The following FBLN7 variants were observed in gnomAD, a reference collection of about 807,000 sequenced individuals.
FBLN7 encodes the protein fibulin-7.
Under a neutral mutation model 44.0 loss-of-function variants are expected in FBLN7, and 31 were observed. The observed-to-expected ratio is 0.70, with a 90% CI of 0.53 to 0.95. The LOEUF (loss-of-function observed/expected upper bound fraction) is 0.95, where lower values mean the gene tolerates loss of function less well. Among genes scored for constraint, FBLN7 ranks in the 40% least tolerant of loss-of-function variants. The pLI is 0.00. For missense variants in FBLN7, 573 were observed against 618.5 expected (o/e 0.93, Z 0.78); for synonymous variants, 262 against 253.4 (o/e 1.03, Z -0.32).
At chr2:112,224,305 G>A in the FBLN7 span, among the ~76,000 whole-genome samples, 1 of 152,126 alleles carries the variant, frequency 6.6e-6, no homozygotes, top group Non-Finnish European at 1.5e-5. Context: ...CTCTGGTCAT[G>A]TCAAAAAGAA....
the FBLN7 span, among the ~76,000 whole-genome samples, chr2:112,239,394 C>T: frequency 6.6e-6 from 1 of 152,106 alleles, no homozygotes; most frequent in Admixed American, 6.6e-5. Flanking sequence ...ATTCTGATGT[C>T]ACGAAGAAAT....
the FBLN7 span, chr2:112,238,695 G>T: frequency 2.2e-6 from 1 of 459,630 alleles, no homozygotes; most frequent in Non-Finnish European, 3.6e-6. Context: ...AAAATTTCCA[G>T]AATTAAAAAA....
rs1216579417 is a variant in FBLN7 at position 112,181,835 on chromosome 2, G to C, written c.629G>C (p.Gly210Ala). 3 of 1,524,344 alleles carry C rather than the reference G, an allele frequency of 2.0e-6. No individual in the cohort carries two copies. The highest frequency in any genetic ancestry group is 2.6e-6 in the Non-Finnish European group (3 of 1,141,824). 94.4% of individuals were successfully genotyped at this position (1,524,344 alleles called of 1,614,324 possible). The change falls in exon 5 of 8, where the codon GGA (glycine) becomes GCA (alanine). Residue 210 changes from glycine to alanine, a missense_variant. Transcript: ENST00000331203. ...GCTCAGCACTGCAGCTGCGAGGCCG[G>C]ATTCCACCTGAGCGGCGCCGCCGGC... The part of the protein sequence containing the change: ...ERAQHCSCEA[G>A]FHLSGAAGDS...
chr2:112,175,013 G>A (rs982399334), intron 3 of FBLN7, among the ~76,000 whole-genome samples: 1 of 126,288 alleles, frequency 7.9e-6, no homozygotes, highest in African/African-American at 2.7e-5. Context: ...CTACCACTCA[G>A]AGAAAAAAAG....
intron 1 of FBLN7, among the ~76,000 whole-genome samples, chr2:112,150,097 G>C (rs1310621443): frequency 2.0e-5 from 3 of 152,234 alleles, no homozygotes; most frequent in African/African-American, 7.2e-5. Flanking sequence ...CTTGCCATCT[G>C]GTTGGCCACT....
the FBLN7 span, chr2:112,211,727 G>C: frequency 1.3e-5 from 2 of 151,160 alleles, no homozygotes; most frequent in Non-Finnish European, 3.0e-5. Context: ...GTAGCTCAGA[G>C]TAACATACAA....
chr2:112,217,327 C>T, the FBLN7 span, among the ~76,000 whole-genome samples: 3 of 151,980 alleles, frequency 2.0e-5, no homozygotes, highest in East Asian at 3.9e-4. Flanking sequence ...GAGCAAAGAT[C>T]GTGCCACTTC....
chr2:112,146,899 G>GT (rs1680924483), intron 1 of FBLN7, among the ~76,000 whole-genome samples: 1 of 152,128 alleles, frequency 6.6e-6, no homozygotes, highest in African/African-American at 2.4e-5. Flanking sequence ...GAAAGGATTC[G>GT]TTTTTTCAAC....
At chr2:112,225,633 A>G in the FBLN7 span, among the ~76,000 whole-genome samples, 1 of 152,244 alleles carries the variant, frequency 6.6e-6, no homozygotes, top group Non-Finnish European at 1.5e-5. Flanking sequence ...CGTGGCCAAC[A>G]TGGTGAAACT....
chr2:112,186,606 C>T (rs1403940821), intron 7 of FBLN7, among the ~76,000 whole-genome samples: 1 of 152,098 alleles, frequency 6.6e-6, no homozygotes, highest in Non-Finnish European at 1.5e-5. Context: ...TGCCATTGCA[C>T]TCCAGCCTGG....
At chr2:112,231,118 C>G in the FBLN7 span, among the ~76,000 whole-genome samples, 2 of 152,046 alleles carry the variant, frequency 1.3e-5, no homozygotes, top group African/African-American at 4.8e-5. Flanking sequence ...ATATATATCA[C>G]TTTTCCATAT....
the FBLN7 span, among the ~76,000 whole-genome samples, chr2:112,244,163 A>G: frequency 2.2e-3 from 339 of 152,284 alleles, 4 homozygotes; most frequent in African/African-American, 7.8e-3. Context: ...GAAGAGCCTT[A>G]AAGCTTCCAG....
intron 4 of FBLN7, among the ~76,000 whole-genome samples, chr2:112,179,934 G>T (rs1399865506): frequency 2.6e-5 from 4 of 152,154 alleles, no homozygotes; most frequent in African/African-American, 9.7e-5. Flanking sequence ...AATGGACAAA[G>T]ATTTCATGAC....
chr2:112,172,445 G>T (rs1347378775), intron 3 of FBLN7, among the ~76,000 whole-genome samples: 2 of 151,912 alleles, frequency 1.3e-5, no homozygotes, highest in Non-Finnish European at 2.9e-5. Flanking sequence ...AGTATCTTAT[G>T]TCACTCTGTG....
At chr2:112,230,904 T>C in the FBLN7 span, 8 of 1,292,534 alleles carry the variant, frequency 6.2e-6, no homozygotes, top group Non-Finnish European at 8.1e-6. Context: ...TAATTTTACC[T>C]TTTTATGTCT....
chr2:112,158,257 T>A (rs186213129), intron 1 of FBLN7, among the ~76,000 whole-genome samples: 3 of 152,076 alleles, frequency 2.0e-5, no homozygotes. Context: ...GTTGTTGTTG[T>A]TGTTTTTGAG....
intron 1 of FBLN7, among the ~76,000 whole-genome samples, chr2:112,157,750 A>G (rs796747658): frequency 3.9e-5 from 6 of 152,288 alleles, no homozygotes; most frequent in African/African-American, 1.4e-4. Context: ...ACAGGCGAGC[A>G]CCACCATGCC....
downstream of FBLN7, among the ~76,000 whole-genome samples, chr2:112,191,914 C>T (rs541145918): frequency 1.4e-4 from 21 of 152,226 alleles, no homozygotes; most frequent in South Asian, 3.1e-3. Flanking sequence ...ATCTTCTGAC[C>T]GGTTCCCTCC....
chr2:112,159,599 G>T, intron 1 of FBLN7, 77 bp from the exon 2 acceptor site: 1 of 1,416,540 alleles, frequency 7.1e-7, no homozygotes, highest in South Asian at 1.6e-5. Flanking sequence ...TGGCTTCGGC[G>T]ATTTCGGAAG....
Sources: gnomAD v4.1 joint callset for allele counts (sites outside exome capture counted in the v4.1 genomes callset) on GRCh38, gnomAD v4.1.1 for gene constraint, MANE v1.5 for transcripts, NCBI Gene and HGNC (gene_info 2026-07-23, HGNC 2026-07-21) for gene names.